Variants in ALDH18A1 observed in about 807,000 individuals in gnomAD.
ALDH18A1 encodes delta-1-pyrroline-5-carboxylate synthase.
ALDH18A1 carries 44 observed loss-of-function variants against 88.8 expected under a neutral mutation model. The ratio of observed to expected loss-of-function variants is 0.50; its 90% CI spans 0.39 to 0.64. The LOEUF is 0.64. ALDH18A1 is among the 30% of genes least tolerant of loss of function. The pLI is 0.00. For synonymous variants in ALDH18A1, 331 were observed against 372.1 expected, an observed-to-expected ratio of 0.89 and a Z score of 1.27; for missense variants, 782 against 1,009.5, an observed-to-expected ratio of 0.77 and a Z score of 3.05.
chr10:95,637,360 A>G lies in ALDH18A1; in HGVS notation c.380T>C (p.Leu127Ser). The change falls in exon 4 of 18, where the codon TTG becomes TCG. Residue 127 changes from leucine (L) to serine (S), a missense_variant. Physicochemically the swap from Leu to Ser is moderately radical, Grantham distance 145 (BLOSUM62 -2). Around this residue, in one of 3 missense-constraint regions of ALDH18A1, gnomAD observed 132 missense variants for 255.5 expected, o/e 0.52. Coordinates refer to ENST00000371224, the MANE Select transcript of ALDH18A1 (RefSeq NM_002860.4). The stretch of plus-strand genomic sequence containing the variant: ...CTGAGACAGAAGGATCTCATGGCGC[A>G]AGCGTTGTTTGCCAAAGGCTACGGC... ...SGAVAFGKQR[L>S]RHEILLSQSV... is the part of the protein sequence containing the mutation. 6.2e-7 allele frequency: 1 copy of G among 1,614,200 alleles called. No homozygotes were observed. Among genetic ancestry groups the G allele is most frequent in the Non-Finnish European group, 8.5e-7 (1 of 1,180,030 alleles).
chr10:95,632,568 T>C (rs934258127), intron 7 of ALDH18A1, among the ~76,000 whole-genome samples: 3 of 152,148 alleles, frequency 2.0e-5, no homozygotes, highest in Non-Finnish European at 1.5e-5. Context: ...CTCACTATAT[T>C]ACCCAGGTTG....
Position 95,627,444 on chromosome 10 carries a change from G to A in ALDH18A1, c.1076C>T (p.Ala359Val), listed in dbSNP as rs933310637. 6.2e-7 allele frequency: 1 copy of A among 1,614,058 alleles called. No homozygotes were observed. Among genetic ancestry groups the A allele is most frequent in the East Asian group, 2.2e-5 (1 of 44,886 alleles). ...VGTFFSEVKP[A>V]GPTVEQQGEM... The stretch of plus-strand genomic sequence containing the variant: ...GGACCTTATGAAGAACTATTTACCT[G>A]CAGGCTTTACTTCTGAAAAGAAGGT... Residue 359 changes from alanine to valine, a missense_variant and splice_region_variant, in exon 9 of 18, where the codon GCA (alanine) becomes GTA (valine). Coordinates refer to ENST00000371224, the MANE Select transcript of ALDH18A1 (RefSeq NM_002860.4).
Position 95,613,801 on chromosome 10 carries a change from G to A in ALDH18A1, c.1864C>T (p.Arg622Trp), listed in dbSNP as rs759267778. The stretch of plus-strand genomic sequence containing the variant: ...AATAATGGTGTCCTGAGCAGATCCC[G>A]GTGGATTAACAAAGTCTCCAAAGCA... ...CNALETLLIH[R>W]DLLRTPLFDQ... The change falls in exon 15 of 18, where the codon CGG (arginine) becomes TGG (tryptophan). Residue 622 changes from arginine (R) to tryptophan (W), a missense_variant. Transcript: ENST00000371224. 1.9e-6 allele frequency: 3 copies of A among 1,614,022 alleles called. No individual in the cohort carries two copies. The highest frequency in any genetic ancestry group is 2.2e-5 in the South Asian group (2 of 91,060).
At chr10:95,631,868 A>G (rs373508513) in intron 7 of ALDH18A1, among the ~76,000 whole-genome samples, 6 of 152,252 alleles carry the variant, frequency 3.9e-5, no homozygotes, top group African/African-American at 1.4e-4. Context: ...ACAGTCTAGT[A>G]GCTCCTCAAA....
At chr10:95,644,420 G>C (rs551420746) in intron 2 of ALDH18A1, among the ~76,000 whole-genome samples, 1 of 152,224 alleles carries the variant, frequency 6.6e-6, no homozygotes, top group East Asian at 1.9e-4. Context: ...AATTTGTACA[G>C]ATGAACAAAC....
rs753847730 is a variant in ALDH18A1 at position 95,627,419 on chromosome 10, G to A, written c.1078+23C>T. On this transcript the variant is annotated intron_variant, in intron 9 of 17. Transcript: ENST00000371224. ...TCACTAGTTCCCATCACAGGCCTTG[G>A]GACCTTATGAAGAACTATTTACCTG... 10 of 1,613,852 alleles carry A rather than the reference G, an allele frequency of 6.2e-6. No individual in the cohort carries two copies. In the Admixed American group the frequency reaches 1.7e-4, roughly 27 times the overall value.
intron 16 of ALDH18A1, 53 bp downstream of exon 16, chr10:95,611,203 A>G: frequency 1.2e-6 from 2 of 1,607,456 alleles, no homozygotes; most frequent in Non-Finnish European, 8.5e-7. Flanking sequence ...GAGGAGCAGG[A>G]TCAGAAAGCA....
At chr10:95,629,849 C>T (rs1440478424) in intron 7 of ALDH18A1, among the ~76,000 whole-genome samples, 2 of 152,036 alleles carry the variant, frequency 1.3e-5, no homozygotes, top group South Asian at 2.1e-4. Context: ...ACCAATGACC[C>T]GATTTTGGTG....
chr10:95,613,924 A>C, intron 14 of ALDH18A1, 42 bp downstream of exon 14: 1 of 1,614,208 alleles, frequency 6.2e-7, no homozygotes, highest in South Asian at 1.1e-5. Flanking sequence ...CAGAGGATGT[A>C]ATATTTCTCC....
intron 17 of ALDH18A1, among the ~76,000 whole-genome samples, chr10:95,607,693 T>C (rs1431156153): frequency 6.6e-6 from 1 of 152,146 alleles, no homozygotes; most frequent in African/African-American, 2.4e-5. Flanking sequence ...TAGTCTCCTG[T>C]GGTGCTCAAG....
intron 11 of ALDH18A1, among the ~76,000 whole-genome samples, chr10:95,623,604 T>A (rs181313128): frequency 4.6e-5 from 7 of 152,016 alleles, no homozygotes; most frequent in African/African-American, 9.7e-5. Flanking sequence ...TTGCTCTTGT[T>A]GTCCAGACTG....
intron 16 of ALDH18A1, among the ~76,000 whole-genome samples, chr10:95,610,602 T>C (rs1329743858): frequency 6.6e-6 from 1 of 152,208 alleles, no homozygotes; most frequent in Non-Finnish European, 1.5e-5. Flanking sequence ...GCTGTACACC[T>C]GCTAGCTTTG....
At chr10:95,647,796 T>C (rs1260909318) in intron 2 of ALDH18A1, among the ~76,000 whole-genome samples, 1 of 152,244 alleles carries the variant, frequency 6.6e-6, no homozygotes, top group Admixed American at 6.5e-5. Flanking sequence ...CAGTTGCCCA[T>C]GCTTCAATCA....
intron 7 of ALDH18A1, 177 bp from the exon 8 acceptor site, chr10:95,628,669 AG>A (rs2097863852): frequency 1.8e-5 from 12 of 679,106 alleles, no homozygotes; most frequent in Middle Eastern, 4.0e-4. Flanking sequence ...AAACATCTCC[AG>A]GAAGACTCAC....
intron 5 of ALDH18A1, among the ~76,000 whole-genome samples, chr10:95,636,667 T>A (rs1031034975): frequency 6.6e-6 from 1 of 152,184 alleles, no homozygotes; most frequent in Non-Finnish European, 1.5e-5. Context: ...GCTTAATAAA[T>A]ATCTGCTATA....
In ALDH18A1 at chr10:95,625,416, C is replaced by G; in HGVS notation, c.1192G>C (p.Asp398His). 1 of 1,613,890 alleles carries G rather than the reference C, an allele frequency of 6.2e-7. No homozygotes were observed. The highest frequency in any genetic ancestry group is 1.6e-4 in the Middle Eastern group (1 of 6,084). ...GCTAACAGGATCTCATCACGCTGGT[C>G]CGTCAACAGATCAGCCAGATGATGG... is the stretch of plus-strand genomic sequence containing the variant. Reference protein sequence around the residue: ...IIHHLADLLTDQRDEILLANK... With the variant: ...IIHHLADLLTHQRDEILLANK... The change falls in exon 11 of 18, where the codon GAC (aspartate) becomes CAC (histidine). Residue 398 changes from aspartate (D) to histidine (H), a missense_variant. Asp to His is a moderately conservative substitution (Grantham distance 81). Transcript: ENST00000371224.
chr10:95,619,985 A>G (rs2097849696), intron 12 of ALDH18A1, among the ~76,000 whole-genome samples: 1 of 152,216 alleles, frequency 6.6e-6, no homozygotes, highest in African/African-American at 2.4e-5. Flanking sequence ...AGAAACTACC[A>G]TGAGAGTGAA....
intron 2 of ALDH18A1, among the ~76,000 whole-genome samples, chr10:95,650,396 T>C (rs908021647): frequency 6.6e-5 from 10 of 152,346 alleles, no homozygotes; most frequent in Admixed American, 5.9e-4. Context: ...AAGTCTCAGG[T>C]TGAAATCTGA....
At chr10:95,629,933 C>T (rs922152098) in intron 7 of ALDH18A1, among the ~76,000 whole-genome samples, 10 of 143,666 alleles carry the variant, frequency 7.0e-5, no homozygotes, top group Non-Finnish European at 9.3e-5. Flanking sequence ...CAAAACCTTA[C>T]ATTTTTTTTT....
Sources: gnomAD v4.1 joint callset for allele counts (sites outside exome capture counted in the v4.1 genomes callset) on GRCh38, gnomAD v4.1.1 for gene constraint, gnomAD v4.1.1 regional missense constraint, MANE v1.5 for transcripts, NCBI Gene and HGNC (gene_info 2026-07-23, HGNC 2026-07-21) for gene names.